The following UMAD1 variants were observed in gnomAD, a reference collection of about 807,000 sequenced individuals.
UMAD1 encodes the protein UBAP1-MVB12-associated (UMA) domain containing 1.
A neutral mutation model predicts 6.1 loss-of-function variants in UMAD1; 8 were observed. That is an observed-to-expected ratio of 1.30 (90% CI 0.76 to 2.35). The LOEUF is 2.35. Ranked by LOEUF, UMAD1 falls within the 30% of genes most tolerant of loss-of-function variation. The pLI is 0.00. For synonymous variants in UMAD1, 56 were observed against 31.4 expected (o/e 1.78, Z -2.61); for missense variants, 130 against 78.4 (o/e 1.66, Z -2.49).
At chr7:7,711,132 A>G (rs975864407) in intron 2 of UMAD1, among the ~76,000 whole-genome samples, 1 of 152,206 alleles carries the variant, frequency 6.6e-6, no homozygotes, top group Non-Finnish European at 1.5e-5. Context: ...GTCTGTGTGA[A>G]TGAAATATCC....
chr7:7,685,953 T>C (rs1302014579), intron 2 of UMAD1: 1 of 152,216 alleles, frequency 6.6e-6, no homozygotes, highest in Non-Finnish European at 1.5e-5. Flanking sequence ...CCAGGTGCTC[T>C]CCTGCTTGGT....
rs28915971 is a variant in UMAD1 at position 7,684,689 on chromosome 7, C to T, written c.82+11236C>T. ...TTATACAATGTGAATTCCAACTGAT[C>T]TATGACTCTTTCTGGCTTTAGCCAT... is the stretch of plus-strand genomic sequence containing the variant. On this transcript the variant is annotated intron_variant, in intron 2 of 3. Transcript: ENST00000682710. Among the ~76,000 whole-genome samples the T allele has an allele frequency of 1.9e-4, 29 of 152,336 alleles. No individual in the cohort carries two copies. In the East Asian group the frequency reaches 5.2e-3, roughly 27 times the overall value.
chr7:7,756,825 G>C (rs1781787758), intron 2 of UMAD1, among the ~76,000 whole-genome samples: 1 of 152,212 alleles, frequency 6.6e-6, no homozygotes, highest in Non-Finnish European at 1.5e-5. Context: ...GTTACAGTCT[G>C]CTCAGAATTC....
At position 7,808,400 on chromosome 7, in the gene UMAD1, G is replaced by A. The variant is rs534696057; in HGVS notation, c.156+6657G>A. On this transcript the variant is annotated intron_variant, in intron 3 of 3. Coordinates refer to ENST00000682710, the MANE Select transcript of UMAD1 (RefSeq NM_001302348.2). ...AATAAACATTACATGTAAGCAAGTCGTCATTCTTTTTCAATTTGTAGTCTT... is the reference window on the plus strand; with the variant it reads ...AATAAACATTACATGTAAGCAAGTCATCATTCTTTTTCAATTTGTAGTCTT... 3.5e-4 allele frequency among the ~76,000 whole-genome samples: 53 copies of A among 152,028 alleles called. 1 individual carries two copies. The highest frequency in any genetic ancestry group is 2.1e-4 in the South Asian group (1 of 4,828).
At chr7:7,725,175 C>T (rs1230360159) in intron 2 of UMAD1, among the ~76,000 whole-genome samples, 1 of 152,176 alleles carries the variant, frequency 6.6e-6, no homozygotes, top group Admixed American at 6.5e-5. Context: ...CTCCTACAAC[C>T]AAGGAAGAGG....
intron 2 of UMAD1, among the ~76,000 whole-genome samples, chr7:7,707,805 A>G (rs559990271): frequency 2.6e-5 from 4 of 152,310 alleles, no homozygotes; most frequent in Admixed American, 2.0e-4. Context: ...TGAAATATAA[A>G]GATGCTTTCT....
chr7:7,778,074 A>G (rs1782256379), intron 2 of UMAD1, among the ~76,000 whole-genome samples: 1 of 152,226 alleles, frequency 6.6e-6, no homozygotes, highest in Non-Finnish European at 1.5e-5. Flanking sequence ...TGATCATCAC[A>G]ATTATTGCAA....
intron 2 of UMAD1, among the ~76,000 whole-genome samples, chr7:7,712,606 C>T (rs979713059): frequency 2.6e-5 from 4 of 152,048 alleles, no homozygotes; most frequent in Admixed American, 6.5e-5. Context: ...TTTCTAAGTA[C>T]GTAATTATAA....
At chr7:7,708,798 C>T (rs1320740429) in intron 2 of UMAD1, among the ~76,000 whole-genome samples, 5 of 151,876 alleles carry the variant, frequency 3.3e-5, no homozygotes, top group African/African-American at 1.2e-4. Context: ...TTTTTTTGCC[C>T]ATTAATATGT....
chr7:7,867,052 G>A (rs1329166355), intron 3 of UMAD1, among the ~76,000 whole-genome samples: 1 of 152,162 alleles, frequency 6.6e-6, no homozygotes, highest in African/African-American at 2.4e-5. Flanking sequence ...GATGATACAG[G>A]TTTCTGTGCT....
At chr7:7,661,388 A>G (rs1379305079) in intron 1 of UMAD1, among the ~76,000 whole-genome samples, 1 of 152,056 alleles carries the variant, frequency 6.6e-6, no homozygotes, top group Non-Finnish European at 1.5e-5. Context: ...GAGAAGGGGC[A>G]TTCTGGTTTT....
intron 2 of UMAD1, among the ~76,000 whole-genome samples, chr7:7,735,306 G>C (rs1230964288): frequency 2.0e-5 from 3 of 152,096 alleles, no homozygotes; most frequent in Admixed American, 6.5e-5. Flanking sequence ...AATATGTGCA[G>C]ATACACACAT....
chr7:7,784,117 A>T (rs372076303), intron 2 of UMAD1, among the ~76,000 whole-genome samples: 1 of 151,418 alleles, frequency 6.6e-6, no homozygotes, highest in South Asian at 2.1e-4. Context: ...GACTGTAGAC[A>T]GACTTTAGTT....
intron 1 of UMAD1, among the ~76,000 whole-genome samples, chr7:7,669,737 G>A (rs1779558853): frequency 6.6e-6 from 1 of 152,168 alleles, no homozygotes; most frequent in African/African-American, 2.4e-5. Context: ...GGTCAGATTG[G>A]TGGAGTGATA....
chr7:7,864,971 A>G (rs191067250), intron 3 of UMAD1, among the ~76,000 whole-genome samples: 1 of 152,338 alleles, frequency 6.6e-6, no homozygotes, highest in East Asian at 1.9e-4. Context: ...GGATTGGTGA[A>G]CACATTGAGG....
intron 2 of UMAD1, among the ~76,000 whole-genome samples, chr7:7,678,366 A>T (rs534350439): frequency 1.0e-4 from 15 of 148,714 alleles, no homozygotes; most frequent in African/African-American, 3.7e-4. Flanking sequence ...TAATATGCCT[A>T]TTGGTCATTT....
chr7:7,769,206 A>T (rs1782053443), intron 2 of UMAD1, among the ~76,000 whole-genome samples: 1 of 152,180 alleles, frequency 6.6e-6, no homozygotes, highest in Non-Finnish European at 1.5e-5. Flanking sequence ...TTAGGGAAAT[A>T]GTTGTAGAGA....
At chr7:7,820,510 T>G (rs1361399696) in intron 3 of UMAD1, among the ~76,000 whole-genome samples, 1 of 152,238 alleles carries the variant, frequency 6.6e-6, no homozygotes, top group African/African-American at 2.4e-5. Flanking sequence ...TTTTAAATTT[T>G]GAATATTCAG....
At chr7:7,787,133 T>C in intron 2 of UMAD1, among the ~76,000 whole-genome samples, 1 of 152,194 alleles carries the variant, frequency 6.6e-6, no homozygotes, top group Non-Finnish European at 1.5e-5. Flanking sequence ...CATGATGATA[T>C]AAATATATGA....
Sources: allele counts gnomAD v4.1 joint callset (sites outside exome capture counted in the v4.1 genomes callset), GRCh38; gene constraint gnomAD v4.1.1; transcripts MANE v1.5; gene names NCBI Gene and HGNC (gene_info 2026-07-23, HGNC 2026-07-21).